Variants in ATF1 observed in about 807,000 individuals in gnomAD.
The protein encoded by ATF1 is cyclic AMP-dependent transcription factor ATF-1.
In ATF1, 16 loss-of-function variants were observed where a neutral mutation model predicts 34.7. The ratio of observed to expected loss-of-function variants is 0.46; its 90% CI spans 0.31 to 0.70. The LOEUF is 0.70. Ranked by LOEUF, ATF1 falls within the 30% of genes least tolerant of loss-of-function variation. ATF1 has a pLI of 0.05. For synonymous variants in ATF1, 105 were observed against 113.1 expected (o/e 0.93, Z 0.46); for missense variants, 255 against 321.6 (o/e 0.79, Z 1.58).
intron 3 of ATF1, among the ~76,000 whole-genome samples, chr12:50,799,049 T>C (rs1941465116): frequency 6.6e-6 from 1 of 152,158 alleles, no homozygotes; most frequent in Non-Finnish European, 1.5e-5. Flanking sequence ...AGAAGGCTGA[T>C]CAGAACTTGT....
chr12:50,776,795 G>A, intron 1 of ATF1, among the ~76,000 whole-genome samples: 1 of 152,130 alleles, frequency 6.6e-6, no homozygotes, highest in East Asian at 1.9e-4. Context: ...CACCAAAGAT[G>A]TTCATGACAG....
chr12:50,772,660 C>T (rs1299727933), intron 1 of ATF1, among the ~76,000 whole-genome samples: 1 of 149,464 alleles, frequency 6.7e-6, no homozygotes, highest in Non-Finnish European at 1.5e-5. Context: ...GGTGAGGTAA[C>T]TGTCTAAATA....
chr12:50,767,561 T>G (rs1381519596), intron 1 of ATF1, among the ~76,000 whole-genome samples: 1 of 152,144 alleles, frequency 6.6e-6, no homozygotes, highest in Admixed American at 6.5e-5. Context: ...AAGCTCGCTT[T>G]TCAAGATGAC....
chr12:50,764,946 C>T (rs1228998952), intron 1 of ATF1, among the ~76,000 whole-genome samples: 2 of 152,076 alleles, frequency 1.3e-5, no homozygotes. Flanking sequence ...GCGTCTGTAC[C>T]CTTTGGGATG....
At chr12:50,778,810 A>G (rs922377935) in intron 1 of ATF1, among the ~76,000 whole-genome samples, 1 of 152,110 alleles carries the variant, frequency 6.6e-6, no homozygotes, top group African/African-American at 2.4e-5. Context: ...TGAGCTCTTC[A>G]GCTCAGGCAG....
chr12:50,770,975 T>C (rs1286390163), intron 1 of ATF1, among the ~76,000 whole-genome samples: 1 of 152,170 alleles, frequency 6.6e-6, no homozygotes, highest in African/African-American at 2.4e-5. Context: ...TTATTTGGAA[T>C]AACTTTACTT....
intron 3 of ATF1, 45 bp from the exon 4 acceptor site, chr12:50,809,411 C>G (rs1410244302): frequency 7.2e-7 from 1 of 1,393,760 alleles, no homozygotes. Flanking sequence ...TTTGTGAAGT[C>G]ATTCACATTA....
intron 2 of ATF1, 116 bp downstream of exon 2, chr12:50,780,354 T>G: frequency 2.0e-6 from 2 of 1,001,662 alleles, no homozygotes; most frequent in Non-Finnish European, 2.9e-6. Context: ...TTTTGGGTTT[T>G]TTTTTTCGAG....
At chr12:50,810,946 A>G (rs909762550) in intron 4 of ATF1, among the ~76,000 whole-genome samples, 2 of 152,012 alleles carry the variant, frequency 1.3e-5, no homozygotes, top group Non-Finnish European at 2.9e-5. Context: ...CTCTAGTGAC[A>G]TTTTATCACA....
chr12:50,765,868 C>T (rs1043385534), intron 1 of ATF1, among the ~76,000 whole-genome samples: 2 of 152,192 alleles, frequency 1.3e-5, no homozygotes, highest in Admixed American at 6.5e-5. Context: ...CGTGATTAAT[C>T]CACCCCTTGT....
At chr12:50,785,744 C>T (rs1031004749) in intron 2 of ATF1, among the ~76,000 whole-genome samples, 3 of 152,092 alleles carry the variant, frequency 2.0e-5, no homozygotes, top group African/African-American at 7.2e-5. Flanking sequence ...TTGGTTGGTT[C>T]TTGGCTGGAG....
At chr12:50,815,509 C>G (rs1055369997) in intron 6 of ATF1, among the ~76,000 whole-genome samples, 21 of 151,998 alleles carry the variant, frequency 1.4e-4, no homozygotes, top group African/African-American at 5.1e-4. Context: ...GCTCGGCCTC[C>G]CAAGTAGCTG....
At chr12:50,778,474 C>G (rs560640010) in intron 1 of ATF1, among the ~76,000 whole-genome samples, 6 of 152,070 alleles carry the variant, frequency 3.9e-5, no homozygotes, top group Non-Finnish European at 8.8e-5. Flanking sequence ...CCACCCACCT[C>G]GGCCTCCCAA....
At chr12:50,774,770 C>T (rs147340280) in intron 1 of ATF1, among the ~76,000 whole-genome samples, 2,251 of 143,894 alleles carry the variant, frequency 0.016, 59 homozygotes, top group African/African-American at 0.055. Flanking sequence ...TTTTTTGAGA[C>T]GGAGTCTCAC....
chr12:50,818,072 A>G (rs1418976951), intron 6 of ATF1, among the ~76,000 whole-genome samples: 5 of 151,842 alleles, frequency 3.3e-5, no homozygotes, highest in East Asian at 1.9e-4. Context: ...CTGTACTTCA[A>G]TGAATATAAA....
chr12:50,773,466 T>TTTTTC (rs1156858215), intron 1 of ATF1, among the ~76,000 whole-genome samples: 3 of 149,474 alleles, frequency 2.0e-5, no homozygotes, highest in Non-Finnish European at 3.0e-5. Flanking sequence ...TTTTTTTTTT[T>TTTTTC]CGAGACAAAG....
intron 3 of ATF1, chr12:50,806,351 A>C (rs531411297): frequency 2.0e-6 from 1 of 499,660 alleles, no homozygotes; most frequent in African/African-American, 1.9e-5. Flanking sequence ...TGTCATTGAC[A>C]CCAGATGGGC....
chr12:50,797,203 AG>A (rs1441167244), intron 3 of ATF1, among the ~76,000 whole-genome samples: 2 of 152,238 alleles, frequency 1.3e-5, no homozygotes, highest in Non-Finnish European at 2.9e-5. Flanking sequence ...TAGTCTCTCC[AG>A]GAGAGAAAAT....
chr12:50,769,727 C>G (rs1592163764), intron 1 of ATF1, among the ~76,000 whole-genome samples: 1 of 152,268 alleles, frequency 6.6e-6, no homozygotes, highest in Middle Eastern at 3.4e-3. Flanking sequence ...TCATTTCTGG[C>G]TTTAATAGTG....
Sources: allele counts gnomAD v4.1 joint callset (sites outside exome capture counted in the v4.1 genomes callset), GRCh38; gene constraint gnomAD v4.1.1; transcripts MANE v1.5; gene names NCBI Gene and HGNC (gene_info 2026-07-23, HGNC 2026-07-21).